The following CLVS1 variants were observed in gnomAD, a reference collection of about 807,000 sequenced individuals.
CLVS1 encodes the protein clavesin-1.
Under a neutral mutation model 33.1 loss-of-function variants are expected in CLVS1, and 10 were observed. The ratio of observed to expected loss-of-function variants is 0.30; its 90% CI spans 0.19 to 0.51. CLVS1 has a LOEUF of 0.51. CLVS1 is among the 20% of genes least tolerant of loss of function. The pLI, the probability that CLVS1 is intolerant of heterozygous loss-of-function variation, is 0.97. For synonymous variants in CLVS1, 163 were observed against 166.1 expected, an observed-to-expected ratio of 0.98 and a Z score of 0.14; for missense variants, 343 against 433.4, an observed-to-expected ratio of 0.79 and a Z score of 1.85.
intron 1 of CLVS1, among the ~76,000 whole-genome samples, chr8:61,064,860 C>T (rs1246235787): frequency 1.3e-5 from 2 of 152,108 alleles, no homozygotes; most frequent in Admixed American, 6.5e-5. Flanking sequence ...CGCCACCACG[C>T]CTGGCTAATT....
intron 2 of CLVS1, among the ~76,000 whole-genome samples, chr8:61,175,221 A>T (rs1807091654): frequency 6.6e-6 from 1 of 152,218 alleles, no homozygotes; most frequent in Admixed American, 6.5e-5. Flanking sequence ...TTAGAAAGTG[A>T]GGCCTTTGGG....
chr8:61,275,564 A>G (rs1230868070), intron 2 of CLVS1, among the ~76,000 whole-genome samples: 1 of 152,190 alleles, frequency 6.6e-6, no homozygotes, highest in Non-Finnish European at 1.5e-5. Context: ...CAACAAAAGT[A>G]TGTTGGAAGG....
chr8:61,455,178 TTGTGTGTGTGTGTG>T, intron 4 of CLVS1, among the ~76,000 whole-genome samples: 1 of 147,538 alleles, frequency 6.8e-6, no homozygotes, highest in East Asian at 2.0e-4. Flanking sequence ...TAATTATGAT[TTGTGTGTGTGTGTG>T]TGTGTGTGTG....
At chr8:61,358,982 A>T (rs1410596944) in intron 2 of CLVS1, among the ~76,000 whole-genome samples, 1 of 152,212 alleles carries the variant, frequency 6.6e-6, no homozygotes, top group African/African-American at 2.4e-5. Context: ...TATAATTTAA[A>T]GTTTAATCCA....
intron 3 of CLVS1, among the ~76,000 whole-genome samples, chr8:61,436,842 CAATA>C (rs1006068449): frequency 1.1e-4 from 17 of 152,120 alleles, no homozygotes; most frequent in African/African-American, 4.1e-4. Context: ...AATGAACTGA[CAATA>C]GATAGATTAA....
intron 3 of CLVS1, 71 bp from the exon 4 acceptor site, chr8:61,454,070 A>G: frequency 1.9e-6 from 2 of 1,048,456 alleles, no homozygotes; most frequent in South Asian, 1.3e-5. Context: ...TCTTTGGGGC[A>G]TTGGTCCTGC....
At chr8:61,383,713 G>T (rs1249544518) in intron 3 of CLVS1, among the ~76,000 whole-genome samples, 1 of 152,188 alleles carries the variant, frequency 6.6e-6, no homozygotes, top group Non-Finnish European at 1.5e-5. Context: ...TGATTCTGAT[G>T]GCAGGCTCAG....
At chr8:61,173,162 A>G (rs11775410) in intron 2 of CLVS1, among the ~76,000 whole-genome samples, 7,747 of 152,188 alleles carry the variant, frequency 0.051, 225 homozygotes, top group African/African-American at 0.06. Context: ...ACATTTTCAT[A>G]TGCACACACA....
chr8:61,004,987 A>G, the CLVS1 span, among the ~76,000 whole-genome samples: 1 of 152,154 alleles, frequency 6.6e-6, no homozygotes, highest in Non-Finnish European at 1.5e-5. Context: ...CTTCTTACCG[A>G]TATACACATC....
intron 2 of CLVS1, among the ~76,000 whole-genome samples, chr8:61,282,839 G>C (rs1310463012): frequency 1.3e-5 from 2 of 152,152 alleles, no homozygotes; most frequent in Admixed American, 6.5e-5. Context: ...TCAGATAATT[G>C]AATGAAAAGT....
At chr8:61,301,370 C>T (rs1810426492) in intron 2 of CLVS1, among the ~76,000 whole-genome samples, 1 of 152,136 alleles carries the variant, frequency 6.6e-6, no homozygotes, top group South Asian at 2.1e-4. Flanking sequence ...TCCAATCATC[C>T]AACTCCAACA....
chr8:61,487,326 C>T (rs1803921881), intron 5 of CLVS1, among the ~76,000 whole-genome samples: 1 of 152,062 alleles, frequency 6.6e-6, no homozygotes, highest in African/African-American at 2.4e-5. Context: ...TATATTTAAA[C>T]TAGATAAGAA....
chr8:61,201,718 G>A (rs1807736304), intron 2 of CLVS1, among the ~76,000 whole-genome samples: 1 of 139,936 alleles, frequency 7.1e-6, no homozygotes, highest in South Asian at 2.3e-4. Flanking sequence ...TCGAATCCCA[G>A]TTGTTCTAGA....
chr8:61,263,938 G>C lies in CLVS1; in HGVS notation c.-151-35739G>C, dbSNP rs145915892. Among the ~76,000 whole-genome samples, 49 of 152,280 alleles carry C rather than the reference G, an allele frequency of 3.2e-4. No individual in the cohort carries two copies. In the East Asian group the frequency reaches 4.1e-3, roughly 13 times the overall value. On this transcript the variant is annotated intron_variant, in intron 2 of 2. Coordinates refer to the CLVS1 transcript ENST00000522621. ...GTTCTGGCACTAAACAAGCATCTTG[G>C]GTTGAGGAAGTGGTAATTGTCGCAG...
chr8:61,174,255 G>C (rs772203746), intron 2 of CLVS1, among the ~76,000 whole-genome samples: 14 of 152,220 alleles, frequency 9.2e-5, no homozygotes, highest in Middle Eastern at 3.4e-3. Context: ...AATGAAAACT[G>C]TCTGCAAACC....
chr8:61,059,265 A>G (rs1804534316), intron 1 of CLVS1, among the ~76,000 whole-genome samples: 1 of 151,854 alleles, frequency 6.6e-6, no homozygotes, highest in Admixed American at 6.6e-5. Context: ...AGTAGCTTGC[A>G]TTTCCAGAAT....
At chr8:61,373,363 C>G (rs1481664762) in intron 2 of CLVS1, among the ~76,000 whole-genome samples, 1 of 152,158 alleles carries the variant, frequency 6.6e-6, no homozygotes, top group Non-Finnish European at 1.5e-5. Flanking sequence ...GTAATGAAGT[C>G]CATAAACCTT....
chr8:61,385,262 C>G (rs923742148), intron 3 of CLVS1, among the ~76,000 whole-genome samples: 6 of 152,086 alleles, frequency 3.9e-5, no homozygotes, highest in Non-Finnish European at 8.8e-5. Context: ...CTCAGTGCAC[C>G]AAAGAAGAGA....
At chr8:61,435,655 G>T (rs1418930018) in intron 3 of CLVS1, among the ~76,000 whole-genome samples, 1 of 150,826 alleles carries the variant, frequency 6.6e-6, no homozygotes, top group Non-Finnish European at 1.5e-5. Context: ...CTTCACATAT[G>T]TATGTACTTT....
Sources: gnomAD v4.1 joint callset for allele counts (sites outside exome capture counted in the v4.1 genomes callset) on GRCh38, gnomAD v4.1.1 for gene constraint, MANE v1.5 for transcripts, NCBI Gene and HGNC (gene_info 2026-07-23, HGNC 2026-07-21) for gene names.